The following ROBO2 variants were observed in gnomAD, a reference collection of about 807,000 sequenced individuals.
ROBO2 encodes roundabout guidance receptor 2.
ROBO2 carries 53 observed loss-of-function variants against 160.8 expected under a neutral mutation model. That is an observed-to-expected ratio of 0.33 (90% CI 0.26 to 0.41). The LOEUF is 0.41. ROBO2 is among the 10% of genes least tolerant of loss of function. The pLI is 1.00. For synonymous variants in ROBO2, 664 were observed against 611.7 expected (o/e 1.09, Z -1.26); for missense variants, 1,577 against 1,722.4 (o/e 0.92, Z 1.49).
Position 77,075,672 on chromosome 3 carries a change from C to CTTTTTTTTTTTTTTTTTTTTTTTTT in ROBO2, c.62-22319_62-22318insTTTTTTTTTTTTTTTTTTTTTTTTT, listed in dbSNP as rs1174587812. On this transcript the variant is annotated intron_variant, in intron 1 of 25. Coordinates refer to ENST00000461745, the Ensembl canonical transcript of ROBO2. ...ATACACTACTATTTCTTTCTTTCTC[C>CTTTTTTTTTTTTTTTTTTTTTTTTT]TTTTTTTTTTTTTTTTTTTTTTTGA... Among the ~76,000 whole-genome samples, 6 of 87,254 alleles carry CTTTTTTTTTTTTTTTTTTTTTTTTT rather than the reference C, an allele frequency of 6.9e-5. 3 individuals carry two copies. Among genetic ancestry groups the CTTTTTTTTTTTTTTTTTTTTTTTTT allele is most frequent in the African/African-American group, 9.8e-5 (2 of 20,458 alleles). The allele number at this position is 87,254 out of a possible 152,430, so 57.2% of individuals were successfully genotyped here. A position where few individuals can be genotyped will look rare whatever the true frequency, so the allele number is the denominator to read the frequency against.
intron 2 of ROBO2, among the ~76,000 whole-genome samples, chr3:76,475,116 A>G (rs66464948): frequency 0.2 from 27,478 of 137,420 alleles, 2,712 homozygotes; most frequent in African/African-American, 0.28. Flanking sequence ...AGCACGGGGG[A>G]AAAAAAGGGG....
chr3:77,179,012 A>G (rs2080430491), intron 2 of ROBO2, among the ~76,000 whole-genome samples: 1 of 152,056 alleles, frequency 6.6e-6, no homozygotes, highest in Non-Finnish European at 1.5e-5. Flanking sequence ...AATCTTAGGT[A>G]GGTAGGTATG....
At chr3:77,487,691 G>T (rs1582387994) in intron 4 of ROBO2, among the ~76,000 whole-genome samples, 1 of 152,220 alleles carries the variant, frequency 6.6e-6, no homozygotes, top group South Asian at 2.1e-4. Context: ...AGGGTGGCAG[G>T]TCTTTCTGGG....
Position 76,322,775 on chromosome 3 carries a change from C to G in ROBO2, c.109+385173C>G, listed in dbSNP as rs2072674408. Among the ~76,000 whole-genome samples, 2 of 152,124 alleles carry G rather than the reference C, an allele frequency of 1.3e-5. 1 individual carries two copies. The highest frequency in any genetic ancestry group is 4.1e-4 in the South Asian group (2 of 4,832). ...CCAAGAAGATGCATTCTTATATATC[C>G]TATTTATAGTTTAAATTCTTACAAT... On this transcript the variant is annotated intron_variant, in intron 2 of 26. Coordinates refer to the ROBO2 transcript ENST00000487694.
chr3:77,319,971 T>G lies in ROBO2; in HGVS notation c.389-157443T>G, dbSNP rs149576600. ...GACTTATCAGCTGCAATTGTATGCC[T>G]GATTGATTTTTGTTGCTATACAACA... On this transcript the variant is annotated intron_variant, in intron 2 of 25. Transcript: ENST00000461745. Among the ~76,000 whole-genome samples, 449 of 152,336 alleles carry G rather than the reference T, an allele frequency of 2.9e-3. 3 individuals are homozygous for G. Among genetic ancestry groups the G allele is most frequent in the African/African-American group, 0.011 (438 of 41,572 alleles).
intron 1 of ROBO2, among the ~76,000 whole-genome samples, chr3:77,085,977 C>T (rs933241714): frequency 2.0e-5 from 3 of 151,926 alleles, no homozygotes; most frequent in African/African-American, 7.3e-5. Context: ...TATCTCTAAA[C>T]TTATAATGGA....
intron 2 of ROBO2, among the ~76,000 whole-genome samples, chr3:76,861,964 C>T (rs1240650444): frequency 6.6e-6 from 1 of 152,084 alleles, no homozygotes; most frequent in African/African-American, 2.4e-5. Flanking sequence ...GAGGCTCTTG[C>T]AGTTCTCTGC....
intron 14 of ROBO2, among the ~76,000 whole-genome samples, chr3:77,576,060 G>C (rs867280529): frequency 1.3e-5 from 2 of 152,018 alleles, no homozygotes; most frequent in Non-Finnish European, 2.9e-5. Flanking sequence ...AAGCAGGCAC[G>C]GTGTTCTCGC....
intron 6 of ROBO2, among the ~76,000 whole-genome samples, chr3:77,526,104 A>T (rs1390646250): frequency 3.3e-5 from 5 of 151,386 alleles, no homozygotes; most frequent in Non-Finnish European, 5.9e-5. Flanking sequence ...GGCTATAGCA[A>T]ACACACCCTA....
At chr3:76,260,073 C>G (rs1392658612) in intron 2 of ROBO2, among the ~76,000 whole-genome samples, 1 of 152,122 alleles carries the variant, frequency 6.6e-6, no homozygotes, top group Admixed American at 6.6e-5. Flanking sequence ...CAGACCTAGA[C>G]AACACATTTG....
chr3:77,459,147 T>C (rs2081988242), intron 2 of ROBO2, among the ~76,000 whole-genome samples: 1 of 152,226 alleles, frequency 6.6e-6, no homozygotes, highest in South Asian at 2.1e-4. Flanking sequence ...TACTGGCTTT[T>C]TTCTGATCAT....
intron 2 of ROBO2, among the ~76,000 whole-genome samples, chr3:76,126,447 T>C (rs1161958998): frequency 6.6e-6 from 1 of 152,130 alleles, no homozygotes; most frequent in African/African-American, 2.4e-5. Context: ...CAATGACTTC[T>C]TAATGAGGCA....
In ROBO2 at chr3:76,307,666, G is replaced by A. The variant is rs184567920; in HGVS notation, c.109+370064G>A. The stretch of plus-strand genomic sequence containing the variant: ...CTTTCCAGTTTCCCAAGATCCATGC[G>A]CCCGACTCAGTAAAAGAGAAGAATA... On this transcript the variant is annotated intron_variant, in intron 2 of 26. Coordinates refer to the ROBO2 transcript ENST00000487694. Among the ~76,000 whole-genome samples, 353 of 151,806 alleles carry A rather than the reference G, an allele frequency of 2.3e-3. 2 individuals carry two copies. The highest frequency in any genetic ancestry group is 0.011 in the East Asian group (56 of 5,132).
intron 2 of ROBO2, among the ~76,000 whole-genome samples, chr3:76,327,679 T>TG (rs2107976993): frequency 6.6e-6 from 1 of 152,320 alleles, no homozygotes; most frequent in African/African-American, 2.4e-5. Context: ...TCATTTCACA[T>TG]TTTAAGAATT....
intron 2 of ROBO2, among the ~76,000 whole-genome samples, chr3:76,472,061 A>G (rs915193611): frequency 1.5e-5 from 2 of 131,218 alleles, no homozygotes; most frequent in Admixed American, 1.7e-4. Flanking sequence ...TGGTCTGATA[A>G]AATGTGTGTG....
At chr3:77,358,083 C>A (rs953953233) in intron 2 of ROBO2, among the ~76,000 whole-genome samples, 1 of 152,186 alleles carries the variant, frequency 6.6e-6, no homozygotes, top group Non-Finnish European at 1.5e-5. Context: ...CCAAATGCTA[C>A]AACCTGGGTA....
At chr3:75,930,616 A>G (rs750095196) in intron 1 of ROBO2, among the ~76,000 whole-genome samples, 2 of 152,116 alleles carry the variant, frequency 1.3e-5, no homozygotes, top group Admixed American at 6.6e-5. Flanking sequence ...CCAGACCTTT[A>G]TTCTGGGAGT....
chr3:76,506,721 C>A (rs13080369), intron 2 of ROBO2, among the ~76,000 whole-genome samples: 1 of 151,902 alleles, frequency 6.6e-6, no homozygotes, highest in Non-Finnish European at 1.5e-5. Context: ...GTTAGCGTAC[C>A]CTGGCAACCT....
chr3:76,174,628 C>A (rs2107037521), intron 2 of ROBO2, among the ~76,000 whole-genome samples: 1 of 152,090 alleles, frequency 6.6e-6, no homozygotes, highest in South Asian at 2.1e-4. Flanking sequence ...GAATCCTTTC[C>A]CCATTCGTTG....
Sources: gnomAD v4.1 joint callset for allele counts (sites outside exome capture counted in the v4.1 genomes callset) on GRCh38, gnomAD v4.1.1 for gene constraint, MANE v1.5 for transcripts, NCBI Gene and HGNC (gene_info 2026-07-23, HGNC 2026-07-21) for gene names.